FOXP1: variants seen among roughly 807,000 people sequenced by gnomAD.
The protein encoded by FOXP1 is forkhead box P1, also known as forkhead box protein P1.
FOXP1 carries 15 observed loss-of-function variants against 98.2 expected under a neutral mutation model. The ratio of observed to expected loss-of-function variants is 0.15; its 90% confidence interval spans 0.10 to 0.24. The LOEUF is 0.24. Ranked by LOEUF, FOXP1 falls within the 10% of genes least tolerant of loss-of-function variation. The pLI, the probability that FOXP1 is intolerant of heterozygous loss-of-function variation, is 1.00. For synonymous variants in FOXP1, 371 were observed against 314.5 expected (o/e 1.18, Z -1.90); for missense variants, 633 against 848.5 (o/e 0.75, Z 3.15).
intron 7 of FOXP1, among the ~76,000 whole-genome samples, chr3:71,095,505 T>C (rs1382424855): frequency 6.6e-6 from 1 of 152,232 alleles, no homozygotes; most frequent in East Asian, 1.9e-4. Context: ...CCAGTTGGTC[T>C]TCCTAGTTCC....
At chr3:71,041,975 TTTG>T (rs764971969) in intron 10 of FOXP1, among the ~76,000 whole-genome samples, 4 of 152,220 alleles carry the variant, frequency 2.6e-5, no homozygotes, top group Non-Finnish European at 5.9e-5. Context: ...GACAAATAGC[TTTG>T]TTATTAAATA....
intron 4 of FOXP1, among the ~76,000 whole-genome samples, chr3:71,324,794 A>C (rs895982837): frequency 6.6e-6 from 1 of 152,062 alleles, no homozygotes; most frequent in Non-Finnish European, 1.5e-5. Context: ...AAATAAATAC[A>C]TTAGTGTAAA....
intron 5 of FOXP1, among the ~76,000 whole-genome samples, chr3:71,227,053 A>G (rs1189860045): frequency 6.6e-6 from 1 of 151,968 alleles, no homozygotes; most frequent in African/African-American, 2.4e-5. Context: ...ACCACATGAG[A>G]AGGCTGGTGC....
intron 14 of FOXP1, among the ~76,000 whole-genome samples, 182 bp from the exon 15 acceptor site, chr3:70,978,211 T>TAAGA (rs2038012844): frequency 1.3e-5 from 2 of 152,198 alleles, no homozygotes; most frequent in African/African-American, 2.4e-5. Flanking sequence ...GGATGCAGTG[T>TAAGA]AAGATATCTC....
At chr3:71,398,232 G>A (rs752864035) in intron 3 of FOXP1, among the ~76,000 whole-genome samples, 33 of 152,126 alleles carry the variant, frequency 2.2e-4, no homozygotes, top group Non-Finnish European at 8.8e-5. Context: ...ATGTCAAGTC[G>A]ATGTGTGCAA....
chr3:71,183,878 C>G (rs766014928), intron 6 of FOXP1, among the ~76,000 whole-genome samples: 1 of 152,266 alleles, frequency 6.6e-6, no homozygotes, highest in Non-Finnish European at 1.5e-5. Flanking sequence ...CAGCGCCTGG[C>G]GTGGTGGCTC....
intron 3 of FOXP1, among the ~76,000 whole-genome samples, chr3:71,453,713 T>G (rs2087169774): frequency 6.6e-6 from 1 of 152,216 alleles, no homozygotes; most frequent in Admixed American, 6.5e-5. Flanking sequence ...CCCAAAATGC[T>G]GATGACATTT....
At chr3:71,540,951 G>T (rs1425569560) in intron 2 of FOXP1, among the ~76,000 whole-genome samples, 5 of 152,164 alleles carry the variant, frequency 3.3e-5, no homozygotes, top group Non-Finnish European at 7.4e-5. Context: ...TAACAAAAAG[G>T]TTACAAATAT....
intron 20 of FOXP1, 105 bp downstream of exon 20, chr3:70,965,785 A>G (rs2034634671): frequency 1.7e-6 from 2 of 1,186,470 alleles, no homozygotes. Context: ...GAAATCAGAA[A>G]TTACAGAAAA....
chr3:71,113,417 A>G (rs2058097355), intron 6 of FOXP1, among the ~76,000 whole-genome samples: 1 of 152,192 alleles, frequency 6.6e-6, no homozygotes, highest in Non-Finnish European at 1.5e-5. Flanking sequence ...TGTTTAACAT[A>G]TGACTGACAA....
Position 71,058,147 on chromosome 3 carries a change from T to C in FOXP1, c.283-4374A>G, listed in dbSNP as rs532455111. Among the ~76,000 whole-genome samples the C allele has an allele frequency of 9.2e-5, 14 of 152,130 alleles. No individual in the cohort carries two copies. The South Asian group carries it at 1.0e-3, about 11-fold the overall frequency. On this transcript the variant is annotated intron_variant, in intron 7 of 20. Transcript: ENST00000649528. Reference sequence around the variant, plus strand: ...TACTTATTTCTAATCTAGGAGACAATTGAAGGAATTGGGTGGGAGGGGAGA... The same window carrying C: ...TACTTATTTCTAATCTAGGAGACAACTGAAGGAATTGGGTGGGAGGGGAGA...
chr3:71,528,497 T>G (rs1404289585), intron 2 of FOXP1, among the ~76,000 whole-genome samples: 1 of 152,254 alleles, frequency 6.6e-6, no homozygotes, highest in Non-Finnish European at 1.5e-5. Context: ...TTTGACCTTC[T>G]AATGTCCTCA....
At position 71,367,620 on chromosome 3, in the gene FOXP1, T is replaced by TA. The variant is rs968524412; in HGVS notation, c.-167-8377dup. 5.9e-5 allele frequency among the ~76,000 whole-genome samples: 9 copies of TA among 152,250 alleles called. No homozygotes were observed. The South Asian group carries it at 8.3e-4, about 14-fold the overall frequency. ...GTGGGTAAAACAACATATCTTTACC[T>TA]AAAAAAATCCAAAAACAACAACAAA... On this transcript the variant is annotated intron_variant, in intron 3 of 20. Coordinates refer to ENST00000649528, the MANE Select transcript of FOXP1 (RefSeq NM_001349338.3).
intron 7 of FOXP1, among the ~76,000 whole-genome samples, chr3:71,086,576 C>T (rs1057346798): frequency 2.6e-5 from 4 of 152,098 alleles, no homozygotes; most frequent in Non-Finnish European, 2.9e-5. Flanking sequence ...GATAACGGCT[C>T]CCATCCCAGG....
At chr3:71,540,715 G>A (rs978483689) in intron 2 of FOXP1, among the ~76,000 whole-genome samples, 2 of 152,160 alleles carry the variant, frequency 1.3e-5, no homozygotes, top group East Asian at 1.9e-4. Flanking sequence ...AACTGCCACC[G>A]TTGGCATTTA....
At chr3:71,342,596 G>C (rs2107787537) in intron 4 of FOXP1, among the ~76,000 whole-genome samples, 1 of 151,896 alleles carries the variant, frequency 6.6e-6, no homozygotes, top group South Asian at 2.1e-4. Context: ...AGGAGGCTGA[G>C]ACAGGAGAAC....
intron 3 of FOXP1, among the ~76,000 whole-genome samples, chr3:71,396,341 G>T (rs919924210): frequency 6.6e-6 from 1 of 152,176 alleles, no homozygotes; most frequent in Non-Finnish European, 1.5e-5. Flanking sequence ...TCAGCCCTAA[G>T]ACGTGCACCT....
intron 13 of FOXP1, among the ~76,000 whole-genome samples, chr3:70,988,570 C>A (rs1173531740): frequency 6.6e-6 from 1 of 152,224 alleles, no homozygotes; most frequent in Non-Finnish European, 1.5e-5. Context: ...GGAGCAGGCT[C>A]CAAGGGATGA....
intron 6 of FOXP1, among the ~76,000 whole-genome samples, chr3:71,127,438 C>T (rs915169473): frequency 3.3e-5 from 5 of 152,064 alleles, no homozygotes; most frequent in Admixed American, 2.0e-4. Flanking sequence ...TCAGCCCATG[C>T]TGTATCTTTA....
Sources: gnomAD v4.1 joint callset for allele counts (sites outside exome capture counted in the v4.1 genomes callset) on GRCh38, gnomAD v4.1.1 for gene constraint, MANE v1.5 for transcripts, NCBI Gene and HGNC (gene_info 2026-07-23, HGNC 2026-07-21) for gene names.